Variants in GRM4 observed in about 807,000 individuals in gnomAD.
GRM4 encodes the protein glutamate metabotropic receptor 4, also known as metabotropic glutamate receptor 4.
GRM4 carries 28 observed loss-of-function variants against 81.7 expected under a neutral mutation model. That is an observed-to-expected ratio of 0.34 (90% CI 0.25 to 0.47). The LOEUF (loss-of-function observed/expected upper bound fraction) is 0.47. Ranked by LOEUF, GRM4 falls within the 20% of genes least tolerant of loss-of-function variation. The pLI, the probability that GRM4 is intolerant of heterozygous loss-of-function variation, is 1.00. For missense variants in GRM4, 948 were observed against 1,290.0 expected, an observed-to-expected ratio of 0.73 and a Z score of 4.06; for synonymous variants, 488 against 528.8, an observed-to-expected ratio of 0.92 and a Z score of 1.06.
chr6:34,096,519 A>C (rs1266271052), intron 2 of GRM4, among the ~76,000 whole-genome samples: 1 of 152,152 alleles, frequency 6.6e-6, no homozygotes, highest in Non-Finnish European at 1.5e-5. Context: ...CAAGCACCCC[A>C]CCTTGTGCAG....
intron 2 of GRM4, among the ~76,000 whole-genome samples, chr6:34,117,131 A>G (rs922336743): frequency 2.0e-5 from 3 of 152,256 alleles, no homozygotes; most frequent in African/African-American, 7.2e-5. Context: ...AAATTTGTGT[A>G]TCTTACAGTG....
At chr6:34,067,419 TC>T (rs1459991142) in intron 3 of GRM4, among the ~76,000 whole-genome samples, 1 of 98,130 alleles carries the variant, frequency 1.0e-5, no homozygotes, top group Non-Finnish European at 1.9e-5. Flanking sequence ...CCTCCCTCCC[TC>T]CGTCCTTCCC....
intron 2 of GRM4, among the ~76,000 whole-genome samples, chr6:34,104,662 T>G (rs1424650092): frequency 6.6e-6 from 1 of 152,138 alleles, no homozygotes; most frequent in Non-Finnish European, 1.5e-5. Context: ...GCCCTTTGCC[T>G]ACACCATCCC....
chr6:34,117,666 T>A (rs1769650785), intron 2 of GRM4, among the ~76,000 whole-genome samples: 1 of 152,138 alleles, frequency 6.6e-6, no homozygotes, highest in Non-Finnish European at 1.5e-5. Context: ...CTGGGACACC[T>A]GGCTGCCTCC....
rs1338822950 is a variant in GRM4 at position 34,048,402 on chromosome 6, C to T, written c.1169-7654G>A. Among the ~76,000 whole-genome samples the T allele has an allele frequency of 1.4e-5, 2 of 145,180 alleles. No individual in the cohort carries two copies. Among genetic ancestry groups the T allele is most frequent in the African/African-American group, 5.0e-5 (2 of 40,288 alleles). On this transcript the variant is annotated intron_variant, in intron 6 of 10. Transcript: ENST00000538487. The surrounding 1 kb of genome is among the most constrained non-coding windows in gnomAD (Gnocchi z 4.0). ...CTCGACTCCTGCCTGGTTCTGAGGC[C>T]AACACACCTCGGCTGAGGAGCTGGG... is the stretch of plus-strand genomic sequence containing the variant.
intron 2 of GRM4, among the ~76,000 whole-genome samples, chr6:34,129,041 G>C (rs1009148670): frequency 1.2e-4 from 18 of 150,532 alleles, no homozygotes; most frequent in African/African-American, 4.1e-4. Flanking sequence ...TTGAGATGGA[G>C]TCTCACTCTG....
In GRM4 at chr6:34,065,765, C is replaced by T. The variant is rs114880826; in HGVS notation, c.737-3737G>A. 5.5e-3 allele frequency among the ~76,000 whole-genome samples: 832 copies of T among 152,338 alleles called. 11 individuals are homozygous for T. Among genetic ancestry groups the T allele is most frequent in the African/African-American group, 0.017 (700 of 41,576 alleles). On this transcript the variant is annotated intron_variant, in intron 3 of 10. Coordinates refer to ENST00000538487, the MANE Select transcript of GRM4 (RefSeq NM_000841.4). ...CAAGAAAATCTGAGCATATCAAGTC[C>T]GTGGGGACCTTGGAGACCTCCTGGC...
At position 34,042,959 on chromosome 6, in the gene GRM4, C is replaced by T. The variant is rs1288701106; in HGVS notation, c.1169-2211G>A. Among the ~76,000 whole-genome samples the T allele has an allele frequency of 1.3e-5, 2 of 152,188 alleles. No homozygotes were observed. The highest frequency in any genetic ancestry group is 2.9e-5 in the Non-Finnish European group (2 of 68,018). On this transcript the variant is annotated intron_variant, in intron 6 of 10. Transcript: ENST00000538487. This position sits in a 1 kb window ranked among gnomAD's most constrained non-coding sequence, Gnocchi z 4.2. ...AGCCAGAACCACATCCCATTTTCAG[C>T]CTTCCTCAGGGTAGGTACTCAGATA...
chr6:34,044,511 CACAG>C (rs1260477059), intron 6 of GRM4, among the ~76,000 whole-genome samples: 6 of 151,214 alleles, frequency 4.0e-5, no homozygotes, highest in South Asian at 4.2e-4. Flanking sequence ...CACATACACA[CACAG>C]ACATACATAC....
intron 10 of GRM4, 79 bp downstream of exon 10, chr6:34,028,035 TGGGGAG>T: frequency 7.1e-7 from 1 of 1,400,632 alleles, no homozygotes; most frequent in Non-Finnish European, 9.6e-7. Context: ...CAGGGCGGGG[TGGGGAG>T]GGGCAGGAGC....
intron 2 of GRM4, among the ~76,000 whole-genome samples, chr6:34,119,846 G>A (rs1175960987): frequency 6.6e-6 from 1 of 152,164 alleles, no homozygotes; most frequent in African/African-American, 2.4e-5. Flanking sequence ...GCGTAGAGGG[G>A]GCAGAATGCG....
intron 2 of GRM4, chr6:34,102,043 T>A (rs1581698136): frequency 1.3e-6 from 2 of 1,535,656 alleles, no homozygotes; most frequent in Non-Finnish European, 1.7e-6. Flanking sequence ...CCCCAAAGCA[T>A]GGCCCTGAAG....
rs930454536 is a variant in GRM4, at chr6:34,058,174, G to A, written c.1027+800C>T. Among the ~76,000 whole-genome samples, 49 of 152,248 alleles carry A rather than the reference G, an allele frequency of 3.2e-4. No homozygotes were observed. In the South Asian group the frequency reaches 5.6e-3, roughly 17 times the overall value. On this transcript the variant is annotated intron_variant, in intron 5 of 10. Transcript: ENST00000538487. ...GATCACACTGGGCCTGTAGGCAGAC[G>A]TAGACCCGGGGGGCAGGTTTGGATG... is the stretch of plus-strand genomic sequence containing the variant.
At position 34,035,552 on chromosome 6, in the gene GRM4, T is replaced by G; in HGVS notation, c.2442+116A>C. ...GAATGAGGCAAGAAAGAAGGCAGAA[T>G]GAGGCATGAAAGAAGGCATTTCTGG... On this transcript the variant is annotated intron_variant, in intron 9 of 10. Transcript: ENST00000538487. The surrounding 1 kb of genome is among the most constrained non-coding windows in gnomAD (Gnocchi z 6.6). The G allele has an allele frequency of 2.7e-6, 1 of 363,820 alleles. No individual in the cohort carries two copies. The highest frequency in any genetic ancestry group is 3.8e-5 in the South Asian group (1 of 26,258). 22.5% of individuals were successfully genotyped at this position (363,820 alleles called of 1,614,324 possible).
rs190270280 is a variant in GRM4, at chr6:34,048,733, A to G, written c.1168+7811T>C. ...ATTTCCCCCATGCTGTTTTCATGAT[A>G]GTGAGTTCTCAAGAGATCTGAGGGT... On this transcript the variant is annotated intron_variant, in intron 6 of 10. Coordinates refer to ENST00000538487, the MANE Select transcript of GRM4 (RefSeq NM_000841.4). This position sits in a 1 kb window ranked among gnomAD's most constrained non-coding sequence, Gnocchi z 4.0. Among the ~76,000 whole-genome samples, 3 of 152,176 alleles carry G rather than the reference A, an allele frequency of 2.0e-5. No individual in the cohort carries two copies. The East Asian group carries it at 5.8e-4, about 29-fold the overall frequency.
chr6:34,100,557 A>G (rs1334782434), intron 2 of GRM4, among the ~76,000 whole-genome samples: 1 of 152,234 alleles, frequency 6.6e-6, no homozygotes, highest in Admixed American at 6.5e-5. Context: ...CAGGCCATTC[A>G]TTAATTCACT....
At position 34,072,652 on chromosome 6, in the gene GRM4, T is replaced by C. The variant is rs1435669858; in HGVS notation, c.737-10624A>G. ...TAGATACACACCACACACACACACA[T>C]CACCACATAGATACACACCACACAC... On this transcript the variant is annotated intron_variant, in intron 3 of 10. Transcript: ENST00000538487. Among the ~76,000 whole-genome samples the C allele has an allele frequency of 1.5e-4, 14 of 90,822 alleles. No homozygotes were observed. The East Asian group carries it at 1.6e-3, about 11-fold the overall frequency. The allele number at this position is 90,822 out of a possible 152,430, so 59.6% of individuals were successfully genotyped here.
rs770014744 is a variant in GRM4, at chr6:34,040,625, C to T, written c.1292G>A (p.Arg431His). The stretch of plus-strand genomic sequence containing the variant: ...GTCCATGCGCGGGCAGAGCCCCACG[C>T]GGCCGGGACACAGGTCACGGTGCAT... ...HAMHRDLCPGRVGLCPRMDPV... is the reference protein window; with the variant it reads ...HAMHRDLCPGHVGLCPRMDPV... Residue 431 changes from arginine to histidine, a missense_variant, in exon 7 of 11, where the codon CGC (arginine) becomes CAC (histidine). By Grantham distance (29) the Arg-to-His change is conservative. Coordinates refer to ENST00000538487, the MANE Select transcript of GRM4 (RefSeq NM_000841.4). 3.1e-6 allele frequency: 5 copies of T among 1,614,120 alleles called. No homozygotes were observed. Among genetic ancestry groups the T allele is most frequent in the South Asian group, 1.1e-5 (1 of 91,086 alleles).
At chr6:34,127,762 C>T (rs528915588) in intron 2 of GRM4, among the ~76,000 whole-genome samples, 5 of 152,172 alleles carry the variant, frequency 3.3e-5, no homozygotes, top group South Asian at 2.1e-4. Flanking sequence ...AACAGAAAGA[C>T]GGTGGTCAAA....
Sources: allele counts gnomAD v4.1 joint callset (sites outside exome capture counted in the v4.1 genomes callset), GRCh38; gene constraint gnomAD v4.1.1; non-coding constraint Gnocchi (gnomAD v3.1); transcripts MANE v1.5; gene names NCBI Gene and HGNC (gene_info 2026-07-23, HGNC 2026-07-21).